Variants in HIVEP1 observed in about 807,000 individuals in gnomAD.
The protein encoded by HIVEP1 is zinc finger protein 40.
A neutral mutation model predicts 180.0 loss-of-function variants in HIVEP1; 36 were observed. The ratio of observed to expected loss-of-function variants is 0.20; its 90% CI spans 0.15 to 0.26. The LOEUF (loss-of-function observed/expected upper bound fraction) is 0.26, where lower values mean the gene tolerates loss of function less well. Ranked by LOEUF, HIVEP1 falls within the 10% of genes least tolerant of loss-of-function variation. The pLI is 1.00. For missense variants in HIVEP1, 3,143 were observed against 3,268.7 expected (o/e 0.96, Z 0.94); for synonymous variants, 1,239 against 1,239.0 (o/e 1.00, Z 0.00).
intron 3 of HIVEP1, among the ~76,000 whole-genome samples, chr6:12,102,737 A>G (rs1774184033): frequency 6.6e-6 from 1 of 152,230 alleles, no homozygotes; most frequent in Non-Finnish European, 1.5e-5. Flanking sequence ...AATATCAAGC[A>G]AGAAGCGCAT....
At chr6:12,038,622 A>G (rs559128311) in intron 2 of HIVEP1, 5 of 152,638 alleles carry the variant, frequency 3.3e-5, no homozygotes, top group Admixed American at 3.3e-4. Flanking sequence ...CAGTGAGCCA[A>G]GATTGCGCCA....
At position 12,124,208 on chromosome 6, in the gene HIVEP1, T is replaced by A; in HGVS notation, c.4413T>A (p.Ser1471Arg). 2 of 1,613,916 alleles carry A rather than the reference T, an allele frequency of 1.2e-6. No individual in the cohort carries two copies. The highest frequency in any genetic ancestry group is 1.7e-6 in the Non-Finnish European group (2 of 1,179,790). ...AVPYQGPQLT[S>R]TSLAEFSANT... ...CATATCAGGGGCCTCAGCTCACTAGTACATCTTTAGCTGAGTTTTCTGCAA... is the reference window on the plus strand; with the variant it reads ...CATATCAGGGGCCTCAGCTCACTAGAACATCTTTAGCTGAGTTTTCTGCAA... Residue 1471 changes from serine to arginine, a missense_variant, in exon 4 of 9, where the codon AGT becomes AGA. Transcript: ENST00000379388.
chr6:12,045,516 A>G (rs1429627046), intron 2 of HIVEP1, among the ~76,000 whole-genome samples: 1 of 152,240 alleles, frequency 6.6e-6, no homozygotes. Context: ...GCTTTAGAAT[A>G]CATTGTGAAT....
chr6:12,081,338 C>G (rs1165650741), intron 2 of HIVEP1, among the ~76,000 whole-genome samples: 1 of 152,160 alleles, frequency 6.6e-6, no homozygotes, highest in Admixed American at 6.6e-5. Context: ...TCCCATCAGT[C>G]ACTTTGCCAT....
intron 7 of HIVEP1, among the ~76,000 whole-genome samples, chr6:12,148,298 C>T (rs1191991192): frequency 1.3e-5 from 2 of 152,176 alleles, no homozygotes; most frequent in Non-Finnish European, 2.9e-5. Context: ...CCTCTTCACA[C>T]CCCGATGCGT....
intron 2 of HIVEP1, among the ~76,000 whole-genome samples, chr6:12,060,421 G>A (rs756863262): frequency 6.6e-6 from 1 of 152,106 alleles, no homozygotes; most frequent in Non-Finnish European, 1.5e-5. Context: ...TTTCCCTCCT[G>A]TAGAATTAGA....
chr6:12,129,993 T>C (rs1334982602), intron 5 of HIVEP1, 101 bp downstream of exon 5: 3 of 744,728 alleles, frequency 4.0e-6, no homozygotes, highest in East Asian at 2.5e-5. Context: ...TTAGTATCGA[T>C]GTTGCAAGGT....
chr6:12,143,016 C>T (rs1561995440), intron 7 of HIVEP1, among the ~76,000 whole-genome samples: 1 of 152,298 alleles, frequency 6.6e-6, no homozygotes, highest in East Asian at 1.9e-4. Flanking sequence ...AAGAGGGAAT[C>T]CTCCCTAACT....
chr6:12,152,347 T>C (rs983929758), intron 7 of HIVEP1, among the ~76,000 whole-genome samples: 1 of 152,122 alleles, frequency 6.6e-6, no homozygotes, highest in African/African-American at 2.4e-5. Flanking sequence ...GGCAAGGCAC[T>C]TTTCCTTTCT....
intron 4 of HIVEP1, 94 bp from the exon 5 acceptor site, chr6:12,129,665 C>G: frequency 1.0e-6 from 1 of 998,200 alleles, no homozygotes; most frequent in Non-Finnish European, 1.6e-6. Flanking sequence ...TGACCATATG[C>G]TCTGTACTCT....
intron 6 of HIVEP1, among the ~76,000 whole-genome samples, chr6:12,132,737 T>C (rs1320025810): frequency 1.3e-5 from 2 of 152,192 alleles, no homozygotes; most frequent in South Asian, 4.1e-4. Context: ...TAAGATGTCA[T>C]GTGGAATTAT....
At chr6:12,160,104 T>C (rs2113682138) in intron 7 of HIVEP1, among the ~76,000 whole-genome samples, 1 of 152,364 alleles carries the variant, frequency 6.6e-6, no homozygotes, top group South Asian at 2.1e-4. Context: ...TTGTCTAATG[T>C]CATCTTTATT....
intron 1 of HIVEP1, among the ~76,000 whole-genome samples, chr6:12,015,199 G>C (rs887747871): frequency 1.3e-5 from 2 of 152,214 alleles, no homozygotes; most frequent in African/African-American, 4.8e-5. Flanking sequence ...TGAATGGGCA[G>C]ATTTACTATA....
At chr6:12,202,156 T>C in the HIVEP1 span, among the ~76,000 whole-genome samples, 1 of 152,246 alleles carries the variant, frequency 6.6e-6, no homozygotes, top group South Asian at 2.1e-4. Context: ...TATATTTTAT[T>C]TTATTTATAT....
intron 3 of HIVEP1, among the ~76,000 whole-genome samples, chr6:12,095,038 C>T (rs1184367507): frequency 1.3e-5 from 2 of 151,988 alleles, no homozygotes; most frequent in Non-Finnish European, 2.9e-5. Context: ...ACAGTCACAT[C>T]TGTTGGCAAA....
At chr6:12,030,373 TA>T (rs1435462193) in intron 2 of HIVEP1, among the ~76,000 whole-genome samples, 14 of 152,158 alleles carry the variant, frequency 9.2e-5, no homozygotes, top group Non-Finnish European at 8.8e-5. Flanking sequence ...TTTCTTCATA[TA>T]TTTTTTCTGT....
chr6:12,196,481 C>T, the HIVEP1 span, among the ~76,000 whole-genome samples: 1 of 152,204 alleles, frequency 6.6e-6, no homozygotes, highest in Non-Finnish European at 1.5e-5. Context: ...CATTCAAGTT[C>T]TCCTCTGTAG....
the HIVEP1 span, among the ~76,000 whole-genome samples, chr6:12,170,234 G>A: frequency 2.0e-5 from 3 of 152,200 alleles, no homozygotes; most frequent in South Asian, 4.2e-4. Context: ...AAGGTATCTT[G>A]AATGGCAAAA....
rs181056704 is a variant in HIVEP1, at chr6:12,164,075, G to T, written c.7771G>T (p.Ala2591Ser). 1.9e-6 allele frequency: 3 copies of T among 1,614,098 alleles called. No individual in the cohort carries two copies. Among genetic ancestry groups the T allele is most frequent in the African/African-American group, 2.7e-5 (2 of 75,024 alleles). The change falls in exon 9 of 9, where the codon GCA becomes TCA. Residue 2591 changes from alanine to serine, a missense_variant. Around this residue, in one of 12 missense-constraint regions of HIVEP1, gnomAD observed 595 missense variants for 602.2 expected, o/e 0.99. Transcript: ENST00000379388. Reference sequence around the variant, plus strand: ...ACCCAAGCAGACTTCTGTAGCCAGCGCAAACCAGGTCAGCAGGACCGAGTC... The same window carrying T: ...ACCCAAGCAGACTTCTGTAGCCAGCTCAAACCAGGTCAGCAGGACCGAGTC... ...TQPKQTSVASANQVSRTESPQ... is the reference protein window; with the variant it reads ...TQPKQTSVASSNQVSRTESPQ...
Sources: allele counts gnomAD v4.1 joint callset (sites outside exome capture counted in the v4.1 genomes callset), GRCh38; gene constraint gnomAD v4.1.1; regional missense constraint gnomAD v4.1.1; transcripts MANE v1.5; gene names NCBI Gene and HGNC (gene_info 2026-07-23, HGNC 2026-07-21).